ADAM22: variants seen among roughly 807,000 people sequenced by gnomAD.
ADAM22 encodes the protein ADAM metallopeptidase domain 22, also known as disintegrin and metalloproteinase domain-containing protein 22.
ADAM22 carries 65 observed loss-of-function variants against 144.6 expected under a neutral mutation model. The observed-to-expected ratio is 0.45, with a 90% CI of 0.37 to 0.55. The LOEUF (loss-of-function observed/expected upper bound fraction) is 0.55. Among genes scored for constraint, ADAM22 ranks in the 20% least tolerant of loss-of-function variants. The pLI is 0.00. For missense variants in ADAM22, 974 were observed against 1,184.9 expected (o/e 0.82, Z 2.61); for synonymous variants, 391 against 412.6 (o/e 0.95, Z 0.63).
rs143785934 is a variant in ADAM22 at position 88,200,255 on chromosome 7, A to T, written c.*3764A>T. ...TCTAACCATATATATAGTACTTTAA[A>T]TATTTTCTTATGTTATTATTTAACA... On this transcript the variant is annotated 3_prime_UTR_variant, in exon 32 of 32. Coordinates refer to ENST00000413139, the MANE Select transcript of ADAM22 (RefSeq NM_001324418.2). 1 of 152,312 alleles carries T rather than the reference A, an allele frequency of 6.6e-6. No individual in the cohort carries two copies. The highest frequency in any genetic ancestry group is 1.9e-4 in the East Asian group (1 of 5,186). The allele number at this position is 152,312 out of a possible 1,614,324, so 9.4% of individuals were successfully genotyped here. A position where few individuals can be genotyped will look rare whatever the true frequency, so the allele number is the denominator to read the frequency against.
intron 3 of ADAM22, among the ~76,000 whole-genome samples, chr7:87,986,195 G>C (rs1788441458): frequency 6.6e-6 from 1 of 152,130 alleles, no homozygotes; most frequent in Non-Finnish European, 1.5e-5. Flanking sequence ...TTGTTCTTTA[G>C]CTGAAGCATA....
rs554828500 is a variant in ADAM22, at chr7:87,967,351, C to CA, written c.247-10984dup. The stretch of plus-strand genomic sequence containing the variant: ...GAGAATTGGCCATACTTTAGACTCA[C>CA]ATGAAGTAGCTCTTTAAAAAATATG... On this transcript the variant is annotated intron_variant, in intron 2 of 31. Transcript: ENST00000413139. Among the ~76,000 whole-genome samples the CA allele has an allele frequency of 1.3e-4, 20 of 152,234 alleles. No individual in the cohort carries two copies. The South Asian group carries it at 4.1e-3, about 32-fold the overall frequency.
At position 87,937,560 on chromosome 7, in the gene ADAM22, G is replaced by A. The variant is rs562500708; in HGVS notation, c.246+2374G>A. On this transcript the variant is annotated intron_variant, in intron 2 of 31. Transcript: ENST00000413139. ...TTTGGGTACCTCTTGCCTTTTCTGT[G>A]TTGGTGAAAGACCACCACTTTTGAA... Among the ~76,000 whole-genome samples the A allele has an allele frequency of 6.6e-5, 10 of 152,306 alleles. No homozygotes were observed. In the South Asian group the frequency reaches 8.3e-4, roughly 13 times the overall value.
At chr7:87,953,204 T>G (rs1845714013) in intron 2 of ADAM22, among the ~76,000 whole-genome samples, 1 of 152,186 alleles carries the variant, frequency 6.6e-6, no homozygotes, top group Admixed American at 6.5e-5. Flanking sequence ...TGTTTGTTCT[T>G]GCTTTTCTAG....
intron 4 of ADAM22, among the ~76,000 whole-genome samples, chr7:88,093,951 T>G (rs920280821): frequency 3.9e-5 from 6 of 152,138 alleles, no homozygotes; most frequent in Non-Finnish European, 8.8e-5. Flanking sequence ...ATGTGGAGTT[T>G]AAGTGGCTGG....
chr7:88,044,697 C>CTGCTCAGGGTGAAATAAA (rs1804088882), intron 3 of ADAM22, among the ~76,000 whole-genome samples: 2 of 151,484 alleles, frequency 1.3e-5, no homozygotes, highest in Non-Finnish European at 2.9e-5. Flanking sequence ...CCACCCGCCT[C>CTGCTCAGGGTGAAATAAA]GGTCTCCCAA....
chr7:88,191,657 T>C (rs909532597), intron 30 of ADAM22, among the ~76,000 whole-genome samples: 2 of 152,182 alleles, frequency 1.3e-5, no homozygotes, highest in East Asian at 3.8e-4. Context: ...ATGAAGTACA[T>C]TGCTTTAATA....
intron 3 of ADAM22, among the ~76,000 whole-genome samples, chr7:87,990,865 A>G (rs1262162138): frequency 6.6e-6 from 1 of 152,098 alleles, no homozygotes; most frequent in Non-Finnish European, 1.5e-5. Context: ...GAGTTTTGCC[A>G]TGTTGTCAGG....
chr7:88,102,873 A>G (rs1222790435), intron 4 of ADAM22, among the ~76,000 whole-genome samples: 1 of 152,178 alleles, frequency 6.6e-6, no homozygotes, highest in Non-Finnish European at 1.5e-5. Flanking sequence ...TATCCTTATG[A>G]AACAGCTGGA....
chr7:88,121,956 A>G (rs926226122), intron 7 of ADAM22, among the ~76,000 whole-genome samples: 5 of 152,158 alleles, frequency 3.3e-5, no homozygotes, highest in African/African-American at 1.2e-4. Context: ...ATTACCACAA[A>G]ATGCACCTCT....
At chr7:88,077,442 C>T (rs1250398283) in intron 4 of ADAM22, among the ~76,000 whole-genome samples, 2 of 152,158 alleles carry the variant, frequency 1.3e-5, no homozygotes, top group Non-Finnish European at 2.9e-5. Context: ...GTGATTTCTG[C>T]ATTTCCAACT....
intron 2 of ADAM22, among the ~76,000 whole-genome samples, chr7:87,967,555 A>T (rs1849418025): frequency 6.6e-6 from 1 of 152,100 alleles, no homozygotes; most frequent in African/African-American, 2.4e-5. Context: ...TCATGCCTGT[A>T]ATCCCAGCAC....
intron 3 of ADAM22, among the ~76,000 whole-genome samples, chr7:88,031,805 C>G (rs1311960132): frequency 6.6e-6 from 1 of 152,252 alleles, no homozygotes; most frequent in Non-Finnish European, 1.5e-5. Flanking sequence ...CCCTGCACAA[C>G]CTCAGGACAC....
chr7:88,063,532 G>A (rs543180641), intron 3 of ADAM22, among the ~76,000 whole-genome samples: 69 of 152,196 alleles, frequency 4.5e-4, no homozygotes, highest in African/African-American at 1.7e-3. Flanking sequence ...ACTAGAGAAA[G>A]GACAGAGAGG....
chr7:88,068,239 G>T (rs567356301), intron 3 of ADAM22, among the ~76,000 whole-genome samples: 4 of 152,228 alleles, frequency 2.6e-5, no homozygotes, highest in African/African-American at 7.2e-5. Context: ...AGAATGGAGA[G>T]AATGGGAAGA....
intron 2 of ADAM22, among the ~76,000 whole-genome samples, chr7:87,938,653 T>C (rs567185783): frequency 6.6e-6 from 1 of 152,216 alleles, no homozygotes; most frequent in Admixed American, 6.5e-5. Context: ...TTTTATTTAT[T>C]TTTTTCTTTT....
intron 4 of ADAM22, among the ~76,000 whole-genome samples, chr7:88,097,154 T>TTC (rs1821564482): frequency 6.8e-6 from 1 of 146,094 alleles, no homozygotes; most frequent in African/African-American, 2.5e-5. Context: ...TTCTTTTCTT[T>TTC]TTTTTTTTTT....
At position 88,039,691 on chromosome 7, in the gene ADAM22, G is replaced by C. The variant is rs142553854; in HGVS notation, c.324-35935G>C. Among the ~76,000 whole-genome samples, 693 of 150,700 alleles carry C rather than the reference G, an allele frequency of 4.6e-3. 11 individuals carry two copies. Among genetic ancestry groups the C allele is most frequent in the African/African-American group, 0.016 (665 of 41,156 alleles). On this transcript the variant is annotated intron_variant, in intron 3 of 31. Coordinates refer to ENST00000413139, the MANE Select transcript of ADAM22 (RefSeq NM_001324418.2). Reference sequence around the variant, plus strand: ...GTGATTACTGTTTGGCATTTATTACGTATCTAAAAAGAGAAAGAATGAGCC... The same window carrying C: ...GTGATTACTGTTTGGCATTTATTACCTATCTAAAAAGAGAAAGAATGAGCC...
At chr7:88,109,867 A>G (rs568288429) in intron 5 of ADAM22, among the ~76,000 whole-genome samples, 124 of 152,268 alleles carry the variant, frequency 8.1e-4, no homozygotes, top group African/African-American at 2.8e-3. Flanking sequence ...TATCCAAGGG[A>G]GAGGGTTACA....
Sources: gnomAD v4.1 joint callset for allele counts (sites outside exome capture counted in the v4.1 genomes callset) on GRCh38, gnomAD v4.1.1 for gene constraint, MANE v1.5 for transcripts, NCBI Gene and HGNC (gene_info 2026-07-23, HGNC 2026-07-21) for gene names.